The following BUB1B variants were observed in gnomAD, a reference collection of about 807,000 sequenced individuals.
The protein encoded by BUB1B is BUB1 mitotic checkpoint serine/threonine kinase B, also known as mitotic checkpoint serine/threonine-protein kinase BUB1 beta.
A neutral mutation model predicts 137.7 loss-of-function variants in BUB1B; 86 were observed. The observed-to-expected ratio is 0.62, with a 90% CI of 0.52 to 0.75. The LOEUF (loss-of-function observed/expected upper bound fraction) is 0.75. Ranked by LOEUF, BUB1B falls within the 30% of genes least tolerant of loss-of-function variation. BUB1B has a pLI of 0.00. For missense variants in BUB1B, 1,130 were observed against 1,236.9 expected (o/e 0.91, Z 1.30); for synonymous variants, 420 against 417.9 (o/e 1.00, Z -0.06).
chr15:40,215,755 C>T (rs570004993), intron 20 of BUB1B, among the ~76,000 whole-genome samples: 201 of 151,946 alleles, frequency 1.3e-3, no homozygotes, highest in African/African-American at 4.5e-3. Context: ...GGTGACAGAG[C>T]GAGACTCCAT....
chr15:40,175,955 T>A (rs1010702342), intron 4 of BUB1B, among the ~76,000 whole-genome samples: 17 of 152,126 alleles, frequency 1.1e-4, no homozygotes, highest in African/African-American at 3.4e-4. Flanking sequence ...CCCCTTTTTT[T>A]AATTTTCTTT....
At chr15:40,165,237 C>G in intron 2 of BUB1B, 41 bp downstream of exon 2, 2 of 1,613,418 alleles carry the variant, frequency 1.2e-6, no homozygotes, top group Non-Finnish European at 1.7e-6. Flanking sequence ...GTCATTCATC[C>G]TAAATGTTGT....
At chr15:40,194,829 A>G (rs952148118) in intron 8 of BUB1B, among the ~76,000 whole-genome samples, 2 of 152,148 alleles carry the variant, frequency 1.3e-5, no homozygotes, top group African/African-American at 2.4e-5. Context: ...ATTGTATTGC[A>G]TAGGTTAATT....
intron 16 of BUB1B, 82 bp downstream of exon 16, chr15:40,208,852 T>C (rs1433921042): frequency 1.4e-6 from 2 of 1,416,270 alleles, no homozygotes; most frequent in Non-Finnish European, 2.0e-6. Context: ...TTTCTTTTTT[T>C]GAGACAGGGT....
chr15:40,187,365 A>G (rs2037380449), intron 8 of BUB1B, among the ~76,000 whole-genome samples: 2 of 151,902 alleles, frequency 1.3e-5, no homozygotes, highest in South Asian at 4.2e-4. Flanking sequence ...TGACCTCATG[A>G]TCCGCCCACC....
intron 6 of BUB1B, 112 bp from the exon 7 acceptor site, chr15:40,185,052 TC>T: frequency 3.2e-5 from 25 of 782,514 alleles, no homozygotes; most frequent in South Asian, 8.8e-5. Flanking sequence ...TTTTTTTTTT[TC>T]TGTTGTAGTG....
At chr15:40,212,393 CT>C in intron 18 of BUB1B, 105 bp from the exon 19 acceptor site, 3 of 855,796 alleles carry the variant, frequency 3.5e-6, no homozygotes, top group Non-Finnish European at 5.7e-6. Flanking sequence ...TTAAAAATAT[CT>C]CTTTATTATT....
At chr15:40,188,239 G>A (rs1330452296) in intron 8 of BUB1B, among the ~76,000 whole-genome samples, 1 of 152,038 alleles carries the variant, frequency 6.6e-6, no homozygotes, top group Admixed American at 6.6e-5. Context: ...GTAGAGACAG[G>A]GTTTCACCAT....
At chr15:40,219,070 C>A (rs1048836538) in intron 22 of BUB1B, among the ~76,000 whole-genome samples, 57 of 152,244 alleles carry the variant, frequency 3.7e-4, no homozygotes, top group African/African-American at 1.3e-3. Flanking sequence ...CGCCACCATG[C>A]CTGGCTCATT....
Position 40,202,424 on chromosome 15 carries a change from C to T in BUB1B, c.1587C>T (p.Ser529=), listed in dbSNP as rs374320185. 5 of 1,611,604 alleles carry T rather than the reference C, an allele frequency of 3.1e-6. No homozygotes were observed. The highest frequency in any genetic ancestry group is 4.2e-6 in the Non-Finnish European group (5 of 1,179,140). The change falls in exon 13 of 23, where the codon TCC becomes TCT. Residue 529 remains serine, a synonymous_variant. Coordinates refer to ENST00000287598, the MANE Select transcript of BUB1B (RefSeq NM_001211.6). ...PHSKGPSVPF[S]IFDEFLLSEK... ...CTCTAGGTCCCAGTGTACCTTTCTC[C>T]ATTTTTGATGAGTTTCTTCTTTCAG...
chr15:40,186,578 G>A (rs2037365024), intron 8 of BUB1B, among the ~76,000 whole-genome samples: 1 of 151,222 alleles, frequency 6.6e-6, no homozygotes, highest in African/African-American at 2.4e-5. Context: ...CCAAGTAGCT[G>A]GAACTACAGG....
chr15:40,199,059 T>A (rs939679206), intron 9 of BUB1B, among the ~76,000 whole-genome samples: 3 of 152,224 alleles, frequency 2.0e-5, no homozygotes, highest in Non-Finnish European at 4.4e-5. Context: ...TTTTCCTGCA[T>A]TGGGGCCTTT....
chr15:40,213,157 A>G (rs1435143732), intron 19 of BUB1B, among the ~76,000 whole-genome samples, 175 bp from the exon 20 acceptor site: 2 of 152,310 alleles, frequency 1.3e-5, no homozygotes, highest in East Asian at 1.9e-4. Context: ...CTTACAAACA[A>G]TCTTATGGGA....
chr15:40,200,264 A>G lies in BUB1B; in HGVS notation c.1422A>G (p.Thr474=). The stretch of plus-strand genomic sequence containing the variant: ...AACAGCAAGAAGAGACGATGCCTAC[A>G]AAGGAGACAACTAAACTGCAAATTG... The part of the protein sequence containing the change: ...TGDQQEETMP[T]KETTKLQIAS... Residue 474 remains threonine, a synonymous_variant, in exon 11 of 23, where the codon ACA becomes ACG. Coordinates refer to ENST00000287598, the MANE Select transcript of BUB1B (RefSeq NM_001211.6). The G allele has an allele frequency of 1.2e-6, 2 of 1,613,578 alleles. No individual in the cohort carries two copies. Among genetic ancestry groups the G allele is most frequent in the Non-Finnish European group, 1.7e-6 (2 of 1,179,588 alleles).
chr15:40,174,284 A>G (rs1201503755), intron 4 of BUB1B, among the ~76,000 whole-genome samples: 2 of 152,246 alleles, frequency 1.3e-5, no homozygotes, highest in African/African-American at 2.4e-5. Flanking sequence ...ACACCACCAC[A>G]TATGAGAAAA....
At chr15:40,176,355 G>T in intron 4 of BUB1B, 122 bp from the exon 5 acceptor site, 1 of 937,184 alleles carries the variant, frequency 1.1e-6, no homozygotes. Context: ...TTATCACATT[G>T]TAATAATAGA....
chr15:40,206,386 T>G lies in BUB1B; in HGVS notation c.1937T>G (p.Val646Gly). The G allele has an allele frequency of 6.2e-7, 1 of 1,614,174 alleles. No individual in the cohort carries two copies. Residue 646 changes from valine (V) to glycine (G), a missense_variant, in exon 15 of 23, where the codon GTA becomes GGA. Coordinates refer to ENST00000287598, the MANE Select transcript of BUB1B (RefSeq NM_001211.6). ...CTGTTACCGGAAGAAGATCTAGATG[T>G]AAAGACCTCTGAGGACCAGCAGACA... ...ERLLPEEDLD[V>G]KTSEDQQTAC...
Position 40,212,504 on chromosome 15 carries a change from T to G in BUB1B, c.2391T>G (p.Ser797=), listed in dbSNP as rs764329961. The change falls in exon 19 of 23, where the codon TCT becomes TCG. Residue 797 remains serine, a synonymous_variant. Coordinates refer to ENST00000287598, the MANE Select transcript of BUB1B (RefSeq NM_001211.6). The part of the protein sequence containing the change: ...NSAELTVIKV[S]SQPVPWDFYI... Reference sequence around the variant, plus strand: ...TAAAATACAATGTCTTACAGGTATCTTCTCAACCTGTCCCATGGGACTTTT... The same window carrying G: ...TAAAATACAATGTCTTACAGGTATCGTCTCAACCTGTCCCATGGGACTTTT... 8.1e-6 allele frequency: 13 copies of G among 1,611,292 alleles called. No homozygotes were observed. Among genetic ancestry groups the G allele is most frequent in the Admixed American group, 3.3e-5 (2 of 60,004 alleles).
At chr15:40,212,784 T>C (rs569069183) in intron 19 of BUB1B, 136 bp downstream of exon 19, 1 of 862,118 alleles carries the variant, frequency 1.2e-6, no homozygotes, top group East Asian at 2.6e-5. Flanking sequence ...GAAGCATTGA[T>C]AATTTTCTCG....
Sources: gnomAD v4.1 joint callset for allele counts (sites outside exome capture counted in the v4.1 genomes callset) on GRCh38, gnomAD v4.1.1 for gene constraint, MANE v1.5 for transcripts, NCBI Gene and HGNC (gene_info 2026-07-23, HGNC 2026-07-21) for gene names.